Variants in CDK8 observed in about 807,000 individuals in gnomAD.
CDK8 encodes cyclin-dependent kinase 8.
In CDK8, 29 loss-of-function variants were observed where a neutral mutation model predicts 71.5. The ratio of observed to expected loss-of-function variants is 0.41; its 90% confidence interval spans 0.30 to 0.55. The LOEUF is 0.55. Ranked by LOEUF, CDK8 falls within the 20% of genes least tolerant of loss-of-function variation. CDK8 has a pLI of 0.37. For missense variants in CDK8, 288 were observed against 572.6 expected (o/e 0.50, Z 5.07); for synonymous variants, 161 against 192.1 (o/e 0.84, Z 1.34).
chr13:26,381,320 G>A (rs1277624156), intron 4 of CDK8, among the ~76,000 whole-genome samples: 1 of 151,992 alleles, frequency 6.6e-6, no homozygotes, highest in Non-Finnish European at 1.5e-5. Flanking sequence ...GAAGTAGGCC[G>A]GGCCCTAAGA....
chr13:26,299,726 A>G (rs1873737815), intron 1 of CDK8, among the ~76,000 whole-genome samples: 1 of 152,150 alleles, frequency 6.6e-6, no homozygotes. Flanking sequence ...TGACCCATCA[A>G]CAACCAAGAT....
intron 2 of CDK8, among the ~76,000 whole-genome samples, chr13:26,345,500 C>A (rs200115099): frequency 6.6e-6 from 1 of 151,910 alleles, no homozygotes; most frequent in African/African-American, 2.4e-5. Context: ...TCCTGCCTCA[C>A]CCTCCCAAGT....
chr13:26,298,898 G>A lies in CDK8; in HGVS notation c.129-38669G>A, dbSNP rs533196440. Among the ~76,000 whole-genome samples, 3 of 152,150 alleles carry A rather than the reference G, an allele frequency of 2.0e-5. No homozygotes were observed. In the South Asian group the frequency reaches 6.3e-4, roughly 32 times the overall value. On this transcript the variant is annotated intron_variant, in intron 1 of 12. Transcript: ENST00000381527. ...AAAAAATTTCCGAGGTTCCATTCAG[G>A]ATCTCTGATGCCACCAAGAAACCCT...
intron 4 of CDK8, among the ~76,000 whole-genome samples, chr13:26,364,227 ACAAT>A: frequency 6.6e-6 from 1 of 152,302 alleles, no homozygotes; most frequent in Middle Eastern, 3.4e-3. Context: ...AACACACGAC[ACAAT>A]CAGTTTTTTT....
At chr13:26,397,574 GATAA>G (rs1365932882) in intron 9 of CDK8, among the ~76,000 whole-genome samples, 2 of 151,588 alleles carry the variant, frequency 1.3e-5, no homozygotes, top group African/African-American at 2.4e-5. Context: ...TCTCACCATT[GATAA>G]ATAGATTGTT....
At chr13:26,390,177 C>G (rs1875682121) in intron 6 of CDK8, among the ~76,000 whole-genome samples, 3 of 152,204 alleles carry the variant, frequency 2.0e-5, no homozygotes, top group Admixed American at 1.3e-4. Context: ...ACTTCCCCAG[C>G]ATTTTGACTT....
chr13:26,343,270 A>G (rs895391400), intron 2 of CDK8, among the ~76,000 whole-genome samples: 1 of 152,200 alleles, frequency 6.6e-6, no homozygotes, highest in African/African-American at 2.4e-5. Flanking sequence ...TCTAGGCTAC[A>G]AACCTATACA....
chr13:26,330,650 C>A (rs1875272693), intron 1 of CDK8, among the ~76,000 whole-genome samples: 1 of 151,886 alleles, frequency 6.6e-6, no homozygotes, highest in African/African-American at 2.4e-5. Context: ...TTTTTAGCTC[C>A]CACAGGTTAA....
chr13:26,347,114 G>T (rs1873491606), intron 2 of CDK8, among the ~76,000 whole-genome samples: 2 of 152,106 alleles, frequency 1.3e-5, no homozygotes, highest in Non-Finnish European at 2.9e-5. Flanking sequence ...AGGGTTAGGG[G>T]TGCTTTTTTA....
Position 26,385,228 on chromosome 13 carries a change from C to T in CDK8, c.532C>T (p.Arg178Ter), listed in dbSNP as rs181880846. The T allele has an allele frequency of 1.2e-6, 2 of 1,608,674 alleles. No individual in the cohort carries two copies. The highest frequency in any genetic ancestry group is 8.5e-7 in the Non-Finnish European group (1 of 1,177,950). Residue 178 changes from arginine (R) to a stop codon, truncating the protein, a stop_gained, in exon 6 of 13, where the codon CGA (arginine) becomes TGA (stop). Transcript: ENST00000381527. LOFTEE classifies it high-confidence loss of function. The stretch of plus-strand genomic sequence containing the variant: ...TTTTACAGCTGACATGGGCTTTGCC[C>T]GATTATTTAATTCACCTTTGAAGCC... The part of the protein sequence containing the change: ...RVKIADMGFA[R>*]LFNSPLKPLA...
intron 1 of CDK8, among the ~76,000 whole-genome samples, chr13:26,300,898 T>A (rs1392118415): frequency 6.6e-6 from 1 of 152,288 alleles, no homozygotes; most frequent in Non-Finnish European, 1.5e-5. Context: ...ATATTTGAGT[T>A]TGGTACTGTA....
At chr13:26,388,254 A>G (rs756167804) in intron 6 of CDK8, among the ~76,000 whole-genome samples, 5 of 152,240 alleles carry the variant, frequency 3.3e-5, no homozygotes, top group Non-Finnish European at 5.9e-5. Flanking sequence ...TCTCTATACT[A>G]TCTTTGTAAC....
At chr13:26,403,852 T>C in intron 12 of CDK8, 104 bp from the exon 13 acceptor site, 1 of 1,396,760 alleles carries the variant, frequency 7.2e-7, no homozygotes, top group Middle Eastern at 1.8e-4. Context: ...ACAAAACCTA[T>C]ACATCCTTTC....
intron 1 of CDK8, among the ~76,000 whole-genome samples, chr13:26,319,589 A>G (rs1470153309): frequency 2.0e-5 from 3 of 152,120 alleles, no homozygotes; most frequent in African/African-American, 4.8e-5. Context: ...AACATATCCT[A>G]TGTTCATGAA....
chr13:26,398,631 A>G (rs1446563298), intron 9 of CDK8, among the ~76,000 whole-genome samples: 1 of 152,210 alleles, frequency 6.6e-6, no homozygotes, highest in Non-Finnish European at 1.5e-5. Context: ...TCAGATCATT[A>G]AAATTAAATT....
chr13:26,267,024 A>G (rs1732411409), intron 1 of CDK8, among the ~76,000 whole-genome samples: 1 of 152,344 alleles, frequency 6.6e-6, no homozygotes, highest in Admixed American at 6.5e-5. Flanking sequence ...ATATGTATAC[A>G]TTAATAACAT....
At chr13:26,330,488 A>G (rs532680044) in intron 1 of CDK8, among the ~76,000 whole-genome samples, 1 of 152,322 alleles carries the variant, frequency 6.6e-6, no homozygotes, top group African/African-American at 2.4e-5. Flanking sequence ...TACAGGCGTG[A>G]GCTACCACGC....
rs1035955830 is a variant in CDK8, at chr13:26,340,497, GT to G, written c.204+2863del. ...TGTGAGTGGCTAATGGTACGTAGGG[GT>G]TTTTTTTAATATTCTTTTTTATTTA... On this transcript the variant is annotated intron_variant, in intron 2 of 12. Transcript: ENST00000381527. Among the ~76,000 whole-genome samples, 5 of 151,936 alleles carry G rather than the reference GT, an allele frequency of 3.3e-5. No homozygotes were observed. In the East Asian group the frequency reaches 9.7e-4, roughly 29 times the overall value.
At chr13:26,281,607 A>T (rs1872750548) in intron 1 of CDK8, among the ~76,000 whole-genome samples, 1 of 152,212 alleles carries the variant, frequency 6.6e-6, no homozygotes, top group African/African-American at 2.4e-5. Flanking sequence ...AAAAGACCAC[A>T]CTAGCTCCCC....
Sources: gnomAD v4.1 joint callset for allele counts (sites outside exome capture counted in the v4.1 genomes callset) on GRCh38, gnomAD v4.1.1 for gene constraint, MANE v1.5 for transcripts, NCBI Gene and HGNC (gene_info 2026-07-23, HGNC 2026-07-21) for gene names.